The following XKR9 variants were observed in gnomAD, a reference collection of about 807,000 sequenced individuals.
XKR9 encodes XK related 9, also known as XK-related protein 9.
In XKR9, 32 loss-of-function variants were observed where a neutral mutation model predicts 32.0. That is an observed-to-expected ratio of 1.00 (90% CI 0.76 to 1.34). XKR9 has a LOEUF of 1.34. Among genes scored for constraint, XKR9 ranks in the 40% most tolerant of loss-of-function variants. XKR9 has a pLI of 0.00. For synonymous variants in XKR9, 168 were observed against 143.4 expected, an observed-to-expected ratio of 1.17 and a Z score of -1.22; for missense variants, 546 against 429.7, an observed-to-expected ratio of 1.27 and a Z score of -2.39.
the XKR9 span, among the ~76,000 whole-genome samples, chr8:70,916,531 C>A: frequency 6.6e-6 from 1 of 152,128 alleles, no homozygotes; most frequent in Non-Finnish European, 1.5e-5. Flanking sequence ...TAAAAAACTA[C>A]CCTATTTTAA....
intron 4 of XKR9, among the ~76,000 whole-genome samples, chr8:70,707,396 A>G (rs1805759025): frequency 6.6e-6 from 1 of 152,056 alleles, no homozygotes. Flanking sequence ...AGTTTTTAAA[A>G]GCATATGTCC....
At chr8:70,743,991 T>C (rs1055224532) in intron 2 of XKR9, among the ~76,000 whole-genome samples, 5 of 152,090 alleles carry the variant, frequency 3.3e-5, no homozygotes, top group African/African-American at 1.2e-4. Context: ...CAGTAAGAGA[T>C]ATACCCACCT....
At chr8:70,897,036 C>G in the XKR9 span, among the ~76,000 whole-genome samples, 1 of 152,096 alleles carries the variant, frequency 6.6e-6, no homozygotes, top group Admixed American at 6.6e-5. Flanking sequence ...CCATTCCCCA[C>G]TACCCTTCCC....
chr8:70,912,503 C>T, the XKR9 span, among the ~76,000 whole-genome samples: 1 of 151,948 alleles, frequency 6.6e-6, no homozygotes, highest in Non-Finnish European at 1.5e-5. Context: ...CCATGGTTAA[C>T]TGGGTATAGC....
intron 3 of XKR9, among the ~76,000 whole-genome samples, chr8:70,683,851 T>G (rs1819170266): frequency 6.6e-6 from 1 of 152,244 alleles, no homozygotes; most frequent in East Asian, 1.9e-4. Flanking sequence ...ATTGACGGGC[T>G]GTTGGTGACA....
intron 1 of XKR9, among the ~76,000 whole-genome samples, chr8:70,669,949 A>G (rs1818651915): frequency 6.6e-6 from 1 of 152,110 alleles, no homozygotes; most frequent in South Asian, 2.1e-4. Flanking sequence ...TACAGGCGTG[A>G]GCTACCACGC....
At chr8:70,979,108 A>G in the XKR9 span, among the ~76,000 whole-genome samples, 1 of 152,122 alleles carries the variant, frequency 6.6e-6, no homozygotes, top group South Asian at 2.1e-4. Context: ...GGTCTTCTCT[A>G]CACTGCTTGT....
At position 70,729,817 on chromosome 8, in the gene XKR9, A is replaced by G. The variant is rs1806602713; in HGVS notation, c.494-3979A>G. 3.3e-5 allele frequency among the ~76,000 whole-genome samples: 5 copies of G among 152,194 alleles called. No individual in the cohort carries two copies. The South Asian group carries it at 1.0e-3, about 32-fold the overall frequency. On this transcript the variant is annotated intron_variant, in intron 4 of 4. Transcript: ENST00000408926. ...ATTTACACAAATACAGCCCAAAGAA[A>G]GCCAAACAGCATTTTAAATTTGATA...
the XKR9 span, among the ~76,000 whole-genome samples, chr8:71,043,386 C>A: frequency 1.7e-4 from 26 of 152,140 alleles, no homozygotes; most frequent in African/African-American, 6.3e-4. Flanking sequence ...GGAGATATTG[C>A]AAGTCCTTCT....
chr8:70,858,635 A>G, the XKR9 span, among the ~76,000 whole-genome samples: 19 of 152,288 alleles, frequency 1.2e-4, no homozygotes, highest in East Asian at 2.9e-3. Context: ...TAATTAAATC[A>G]GCATCACACT....
Position 70,691,646 on chromosome 8 carries a change from C to G in XKR9, c.272+10316C>G, listed in dbSNP as rs149228691. Among the ~76,000 whole-genome samples, 13 of 152,238 alleles carry G rather than the reference C, an allele frequency of 8.5e-5. No individual in the cohort carries two copies. The East Asian group carries it at 2.5e-3, about 29-fold the overall frequency. On this transcript the variant is annotated intron_variant, in intron 3 of 4. Transcript: ENST00000408926. Reference sequence around the variant, plus strand: ...TTCTGTATATGGCTAGTCATTTATCCTAGCTCTATTTATTGAATAGGGATT... The same window carrying G: ...TTCTGTATATGGCTAGTCATTTATCGTAGCTCTATTTATTGAATAGGGATT...
At chr8:70,938,246 G>T in the XKR9 span, among the ~76,000 whole-genome samples, 1 of 151,962 alleles carries the variant, frequency 6.6e-6, no homozygotes, top group Non-Finnish European at 1.5e-5. Flanking sequence ...GAGTGAGTGT[G>T]TGTCCATGTG....
chr8:71,034,027 C>T, the XKR9 span, among the ~76,000 whole-genome samples: 1 of 152,140 alleles, frequency 6.6e-6, no homozygotes. Flanking sequence ...TTTAATTCCT[C>T]TTTTCTTGAA....
the XKR9 span, among the ~76,000 whole-genome samples, chr8:70,811,181 T>C: frequency 6.6e-6 from 1 of 152,130 alleles, no homozygotes. Flanking sequence ...AACCTGCTCC[T>C]GAATGACTAC....
chr8:71,045,577 C>G, the XKR9 span, among the ~76,000 whole-genome samples: 3 of 152,070 alleles, frequency 2.0e-5, no homozygotes, highest in Admixed American at 2.0e-4. Flanking sequence ...TTTTGTGGCC[C>G]GGGGAGAAGA....
intron 2 of XKR9, among the ~76,000 whole-genome samples, chr8:70,769,843 C>T (rs189089302): frequency 6.6e-6 from 1 of 152,016 alleles, no homozygotes; most frequent in East Asian, 1.9e-4. Flanking sequence ...TTCCTGTAAC[C>T]TTTTATCAAG....
intron 2 of XKR9, chr8:70,789,288 T>C (rs1807732523): frequency 6.6e-6 from 1 of 152,068 alleles, no homozygotes; most frequent in African/African-American, 2.4e-5. Flanking sequence ...ACGAAGAATA[T>C]GTTAGAAATG....
At chr8:70,747,983 A>C (rs1355085131) in intron 2 of XKR9, among the ~76,000 whole-genome samples, 1 of 151,940 alleles carries the variant, frequency 6.6e-6, no homozygotes, top group African/African-American at 2.4e-5. Context: ...TATCCCTGAA[A>C]TTTTCTGTTT....
At chr8:70,725,565 CTG>C (rs945841953) in intron 4 of XKR9, among the ~76,000 whole-genome samples, 59 of 152,184 alleles carry the variant, frequency 3.9e-4, no homozygotes, top group African/African-American at 1.3e-3. Flanking sequence ...CTTATATACT[CTG>C]TAGAACTTTT....
Sources: gnomAD v4.1 joint callset for allele counts (sites outside exome capture counted in the v4.1 genomes callset) on GRCh38, gnomAD v4.1.1 for gene constraint, MANE v1.5 for transcripts, NCBI Gene and HGNC (gene_info 2026-07-23, HGNC 2026-07-21) for gene names.